The following DLG4 variants were observed in gnomAD, a reference collection of about 807,000 sequenced individuals.
DLG4 encodes the protein disks large homolog 4.
Under a neutral mutation model 93.8 loss-of-function variants are expected in DLG4, and 7 were observed. The ratio of observed to expected loss-of-function variants is 0.07; its 90% CI spans 0.04 to 0.14. The LOEUF is 0.14. DLG4 is among the 10% of genes least tolerant of loss of function. The pLI, the probability that DLG4 is intolerant of heterozygous loss-of-function variation, is 1.00. For missense variants in DLG4, 545 were observed against 992.9 expected (o/e 0.55, Z 6.06); for synonymous variants, 341 against 387.6 (o/e 0.88, Z 1.41).
At position 7,187,305 on chromosome 17, in the gene DLG4, CGA is replaced by C. The variant is rs1472661957; in HGVS notation, c.*3401_*3402del. Among the ~76,000 whole-genome samples the C allele has an allele frequency of 2.5e-3, 73 of 28,806 alleles. 10 individuals carry two copies. The highest frequency in any genetic ancestry group is 0.031 in the Middle Eastern group (2 of 64). The allele number at this position is 28,806 out of a possible 152,430, so 18.9% of individuals were successfully genotyped here. A position where few individuals can be genotyped will look rare whatever the true frequency, so the allele number is the denominator to read the frequency against. ...CTGTAATCCTAGCACTTTGGGAGGC[CGA>C]GGGGGGGGGGGGTGGATCACCCGAG... On this transcript the variant is annotated 3_prime_UTR_variant, in exon 20 of 20. Transcript: ENST00000399506.
At chr17:7,217,842 G>A, upstream of DLG4, 1 of 1,532,266 alleles carries the variant, frequency 6.5e-7, no homozygotes, top group Non-Finnish European at 8.7e-7. Context: ...TCTTAGAGAA[G>A]GAAGCATCTA....
chr17:7,196,690 C>A lies in DLG4; in HGVS notation c.1083+67G>T. 1 of 1,580,572 alleles carries A rather than the reference C, an allele frequency of 6.3e-7. No homozygotes were observed. Among genetic ancestry groups the A allele is most frequent in the Non-Finnish European group, 8.6e-7 (1 of 1,163,334 alleles). Reference sequence around the variant, plus strand: ...TCGGCTGCAGCCCATCCAGGCCCCTCCCCAAGAGCTCTGCGCTCTGCCCTG... The same window carrying A: ...TCGGCTGCAGCCCATCCAGGCCCCTACCCAAGAGCTCTGCGCTCTGCCCTG... On this transcript the variant is annotated intron_variant, in intron 9 of 19. Coordinates refer to ENST00000399506, the MANE Select transcript of DLG4 (RefSeq NM_001321075.3). This position sits in a 1 kb window ranked among gnomAD's most constrained non-coding sequence, Gnocchi z 8.3.
chr17:7,204,159 C>T (rs2070328953), intron 3 of DLG4, 40 bp downstream of exon 3: 1 of 1,604,478 alleles, frequency 6.2e-7, no homozygotes, highest in Non-Finnish European at 8.5e-7. Context: ...TCCCTCCTTC[C>T]TTCTGCAATG....
At position 7,190,507 on chromosome 17, in the gene DLG4, C is replaced by T. The variant is rs760313375; in HGVS notation, c.*201G>A. The T allele has an allele frequency of 5.2e-6, 3 of 571,476 alleles. No homozygotes were observed. The highest frequency in any genetic ancestry group is 3.1e-6 in the Non-Finnish European group (1 of 319,202). 35.4% of individuals were successfully genotyped at this position (571,476 alleles called of 1,614,324 possible). On this transcript the variant is annotated 3_prime_UTR_variant, in exon 20 of 20. Coordinates refer to ENST00000399506, the MANE Select transcript of DLG4 (RefSeq NM_001321075.3). ...TCCCCCCCAGACCCCAGGTTCCTGG[C>T]GTTCAGGAGCCCAGTTCTGGGGTGC...
Position 7,194,055 on chromosome 17 carries a change from C to A in DLG4, c.1479-55G>T. On this transcript the variant is annotated intron_variant, in intron 12 of 19. Coordinates refer to ENST00000399506, the MANE Select transcript of DLG4 (RefSeq NM_001321075.3). The surrounding 1 kb of genome is among the most constrained non-coding windows in gnomAD (Gnocchi z 4.4). ...AGGGGAATGCCTACCCCCTGCCACCCCCATGCTCTGAGCCAGCTGACAACC... is the reference window on the plus strand; with the variant it reads ...AGGGGAATGCCTACCCCCTGCCACCACCATGCTCTGAGCCAGCTGACAACC... The A allele has an allele frequency of 6.3e-7, 1 of 1,595,970 alleles. No homozygotes were observed. The highest frequency in any genetic ancestry group is 8.5e-7 in the Non-Finnish European group (1 of 1,171,506).
Position 7,191,994 on chromosome 17 carries a change from G to A in DLG4, c.1875C>T (p.His625=). The A allele has an allele frequency of 6.9e-7, 1 of 1,442,202 alleles. No homozygotes were observed. Among genetic ancestry groups the A allele is most frequent in the African/African-American group, 1.5e-5 (1 of 68,528 alleles). The allele number at this position is 1,442,202 out of a possible 1,614,324, so 89.3% of individuals were successfully genotyped here. ...CATTGGCCGAGACATCGAGGATGCAGTGCTTCCCCTGGGGGCAGGCAGGGT... is the reference window on the plus strand; with the variant it reads ...CATTGGCCGAGACATCGAGGATGCAATGCTTCCCCTGGGGGCAGGCAGGGT... ...SVREVAEQGK[H]CILDVSANAV... is the part of the protein sequence containing the mutation. The change falls in exon 18 of 20, where the codon CAC becomes CAT. Residue 625 remains histidine (H), a synonymous_variant. Transcript: ENST00000399506. The surrounding 1 kb of genome is among the most constrained non-coding windows in gnomAD (Gnocchi z 6.6).
rs150968518 is a variant in DLG4 at position 7,194,881 on chromosome 17, C to T, written c.1302-386G>A. Among the ~76,000 whole-genome samples, 14 of 151,776 alleles carry T rather than the reference C, an allele frequency of 9.2e-5. No individual in the cohort carries two copies. The East Asian group carries it at 2.1e-3, about 23-fold the overall frequency. ...AAAAATACAAAATATTAGCCGGGCA[C>T]GGTGGCGGGTGCCTGTATTCCCAGC... On this transcript the variant is annotated intron_variant, in intron 11 of 19. Coordinates refer to ENST00000399506, the MANE Select transcript of DLG4 (RefSeq NM_001321075.3). The surrounding 1 kb of genome is among the most constrained non-coding windows in gnomAD (Gnocchi z 4.4).
rs755045165 is a variant in DLG4, at chr17:7,187,307, A to AGGGG, written c.*3397_*3400dup. Among the ~76,000 whole-genome samples the AGGGG allele has an allele frequency of 2.2e-5, 1 of 45,438 alleles. No homozygotes were observed. 29.8% of individuals were successfully genotyped at this position (45,438 alleles called of 152,430 possible). ...GTAATCCTAGCACTTTGGGAGGCCG[A>AGGGG]GGGGGGGGGGGGTGGATCACCCGAG... On this transcript the variant is annotated 3_prime_UTR_variant, in exon 20 of 20. Coordinates refer to ENST00000399506, the MANE Select transcript of DLG4 (RefSeq NM_001321075.3).
intron 8 of DLG4, chr17:7,202,672 A>C: frequency 1.8e-6 from 1 of 568,644 alleles, no homozygotes; most frequent in East Asian, 2.9e-5. Context: ...AATTAGCCAT[A>C]AAACCAACCA....
chr17:7,210,166 T>C (rs1597488560), intron 1 of DLG4, among the ~76,000 whole-genome samples: 1 of 152,274 alleles, frequency 6.6e-6, no homozygotes, highest in Admixed American at 6.5e-5. Flanking sequence ...TCAAGGTCAA[T>C]GGCCAATCCT....
chr17:7,206,499 G>A (rs1399358001), intron 2 of DLG4, among the ~76,000 whole-genome samples: 1 of 151,936 alleles, frequency 6.6e-6, no homozygotes, highest in Non-Finnish European at 1.5e-5. Context: ...CAGCAGCTCT[G>A]TACTAACTAC....
In DLG4 at chr17:7,188,374, C is replaced by CA. The variant is rs71157264; in HGVS notation, c.*2333dup. Among the ~76,000 whole-genome samples, 3,043 of 152,214 alleles carry CA rather than the reference C, an allele frequency of 0.02. 32 individuals are homozygous for CA. The highest frequency in any genetic ancestry group is 0.045 in the South Asian group (217 of 4,826). ...TCTCAACTTTAGTCAGGAGTGGCTA[C>CA]AAAAAATGCCCTTTTGCACTGTTTG... On this transcript the variant is annotated 3_prime_UTR_variant, in exon 20 of 20. Transcript: ENST00000399506.
At chr17:7,219,971 G>A (rs2071105944), upstream of DLG4, 2 of 1,598,536 alleles carry the variant, frequency 1.3e-6, no homozygotes, top group Non-Finnish European at 8.5e-7. Flanking sequence ...AGCGGCGCCC[G>A]GAGAGATTCG....
Position 7,191,857 on chromosome 17 carries a change from G to A in DLG4, c.1976+36C>T, listed in dbSNP as rs1597438739. The stretch of plus-strand genomic sequence containing the variant: ...GTGAGGCCCAGGGCCACAGGTGTTG[G>A]GGGAGCAAAGGGGAGGCCCCCAGGA... On this transcript the variant is annotated intron_variant, in intron 18 of 19. Coordinates refer to ENST00000399506, the MANE Select transcript of DLG4 (RefSeq NM_001321075.3). The surrounding 1 kb of genome is among the most constrained non-coding windows in gnomAD (Gnocchi z 6.6). The A allele has an allele frequency of 7.3e-7, 1 of 1,375,604 alleles. No homozygotes were observed. The highest frequency in any genetic ancestry group is 9.7e-7 in the Non-Finnish European group (1 of 1,034,958). 85.2% of individuals were successfully genotyped at this position (1,375,604 alleles called of 1,614,324 possible). A position where few individuals can be genotyped will look rare whatever the true frequency, so the allele number is the denominator to read the frequency against.
intron 2 of DLG4, among the ~76,000 whole-genome samples, chr17:7,207,069 G>C (rs1056095050): frequency 3.3e-5 from 5 of 152,060 alleles, no homozygotes; most frequent in Non-Finnish European, 7.3e-5. Flanking sequence ...GCTGTGAGCA[G>C]AGAGGAGAAA....
chr17:7,216,402 C>T (rs2070918086), intron 1 of DLG4, among the ~76,000 whole-genome samples: 1 of 152,132 alleles, frequency 6.6e-6, no homozygotes, highest in Non-Finnish European at 1.5e-5. Context: ...CTGGCAAGCT[C>T]GGCTGCTGCA....
Position 7,203,756 on chromosome 17 carries a change from C to T in DLG4, c.271G>A (p.Asp91Asn). ...ATCTTGGTGATGAAAATGGATGGGT[C>T]GTCACCGATGTGTGGGTTGTCAGTG... ...GGTDNPHIGD[D>N]PSIFITKIIP... The change falls in exon 5 of 20, where the codon GAC (aspartate) becomes AAC (asparagine). Residue 91 changes from aspartate (D) to asparagine (N), a missense_variant. Transcript: ENST00000399506. This position sits in a 1 kb window ranked among gnomAD's most constrained non-coding sequence, Gnocchi z 7.2. 1 of 1,613,856 alleles carries T rather than the reference C, an allele frequency of 6.2e-7. No homozygotes were observed.
At position 7,190,434 on chromosome 17, in the gene DLG4, T is replaced by A; in HGVS notation, c.*274A>T. 1 of 445,172 alleles carries A rather than the reference T, an allele frequency of 2.2e-6. No homozygotes were observed. Among genetic ancestry groups the A allele is most frequent in the Admixed American group, 3.5e-5 (1 of 28,650 alleles). The allele number at this position is 445,172 out of a possible 1,614,324, so 27.6% of individuals were successfully genotyped here. On this transcript the variant is annotated 3_prime_UTR_variant, in exon 20 of 20. Transcript: ENST00000399506. The stretch of plus-strand genomic sequence containing the variant: ...GGTCTGTGTGTGCATTGGGGGCAGG[T>A]GGGGGCGGGGATCCTAAGGAGCAAG...
At position 7,193,195 on chromosome 17, in the gene DLG4, C is replaced by G; in HGVS notation, c.1694-78G>C. 1 of 1,562,828 alleles carries G rather than the reference C, an allele frequency of 6.4e-7. No homozygotes were observed. Among genetic ancestry groups the G allele is most frequent in the South Asian group, 1.2e-5 (1 of 84,026 alleles). On this transcript the variant is annotated intron_variant, in intron 16 of 19. Coordinates refer to ENST00000399506, the MANE Select transcript of DLG4 (RefSeq NM_001321075.3). This position sits in a 1 kb window ranked among gnomAD's most constrained non-coding sequence, Gnocchi z 6.7. Reference sequence around the variant, plus strand: ...TAAATCCTGCCTACTTCAATCAAATCCCCATAGTGCCCAGCTGGTCCTTTG... The same window carrying G: ...TAAATCCTGCCTACTTCAATCAAATGCCCATAGTGCCCAGCTGGTCCTTTG...
Sources: gnomAD v4.1 joint callset for allele counts (sites outside exome capture counted in the v4.1 genomes callset) on GRCh38, gnomAD v4.1.1 for gene constraint, Gnocchi (gnomAD v3.1) non-coding constraint, MANE v1.5 for transcripts, NCBI Gene and HGNC (gene_info 2026-07-23, HGNC 2026-07-21) for gene names.